The following NEXMIF variants were observed in gnomAD, a reference collection of about 807,000 sequenced individuals.
NEXMIF encodes the protein neurite extension and migration factor.
In NEXMIF, 8 loss-of-function variants were observed where a neutral mutation model predicts 62.1. The observed-to-expected ratio is 0.13, with a 90% CI of 0.08 to 0.23. The LOEUF (loss-of-function observed/expected upper bound fraction) is 0.23. Ranked by LOEUF, NEXMIF falls within the 10% of genes least tolerant of loss-of-function variation. NEXMIF has a pLI of 1.00. For missense variants in NEXMIF, 976 were observed against 1,113.3 expected, an observed-to-expected ratio of 0.88 and a Z score of 1.75; for synonymous variants, 404 against 416.6, an observed-to-expected ratio of 0.97 and a Z score of 0.37.
At chrX:74,885,236 A>G (rs1375188686) in intron 1 of NEXMIF, among the ~76,000 whole-genome samples, 2 of 111,793 alleles carry the variant, frequency 1.8e-5, no homozygotes, top group African/African-American at 6.5e-5. Flanking sequence ...AATTAAAAGA[A>G]CTAGAGAAGC....
Position 74,739,221 on chromosome X carries a change from T to C in NEXMIF, c.*184A>G, listed in dbSNP as rs1227771657. 4 of 348,273 alleles carry C rather than the reference T, an allele frequency of 1.1e-5. No individual in the cohort carries two copies. 28.7% of individuals were successfully genotyped at this position (348,273 alleles called of 1,213,427 possible). ...TGGCACAATGTTTTCAATTTTTTCC[T>C]TGTGGGTAAATAGTGCATAAACTAC... is the stretch of plus-strand genomic sequence containing the variant. On this transcript the variant is annotated 3_prime_UTR_variant, in exon 4 of 4. Transcript: ENST00000055682.
At chrX:74,838,808 C>T (rs2080465148) in intron 1 of NEXMIF, among the ~76,000 whole-genome samples, 1 of 111,744 alleles carries the variant, frequency 8.9e-6, no homozygotes, top group Admixed American at 9.5e-5. Flanking sequence ...TATTATCATC[C>T]TTGTACATCA....
In NEXMIF at chrX:74,737,821, C is replaced by T. The variant is rs2147437534; in HGVS notation, c.*1584G>A. On this transcript the variant is annotated 3_prime_UTR_variant, in exon 4 of 4. Coordinates refer to ENST00000055682, the MANE Select transcript of NEXMIF (RefSeq NM_001008537.3). ...TCCCCTTTTTCCCTTCCCACTTATT[C>T]TCCACCCTCCCACCCCAGCCTATAT... is the stretch of plus-strand genomic sequence containing the variant. 1 of 110,667 alleles carries T rather than the reference C, an allele frequency of 9.0e-6. No homozygotes were observed. The highest frequency in any genetic ancestry group is 2.8e-4 in the East Asian group (1 of 3,535). The allele number at this position is 110,667 out of a possible 1,213,427, so 9.1% of individuals were successfully genotyped here.
Position 74,743,251 on chromosome X carries a change from A to G in NEXMIF, c.1306T>C (p.Ser436Pro), listed in dbSNP as rs2080113622. ...GAACTATCATCACTGAAACTCCCTG[A>G]TGTCTCCAGGGAATTAGCAAGATGG... ...QGHLANSLET[S>P]GSFSDDSSFI... is the part of the protein sequence containing the mutation. Residue 436 changes from serine to proline, a missense_variant, in exon 3 of 4, where the codon TCA (serine) becomes CCA (proline). Ser to Pro is a moderately conservative substitution (Grantham distance 74). Transcript: ENST00000055682. The G allele has an allele frequency of 8.3e-7, 1 of 1,209,324 alleles. No individual in the cohort carries two copies. The highest frequency in any genetic ancestry group is 1.8e-5 in the African/African-American group (1 of 57,065).
chrX:74,816,850 T>C (rs1347798488), intron 1 of NEXMIF, among the ~76,000 whole-genome samples: 3 of 112,178 alleles, frequency 2.7e-5, no homozygotes, highest in Non-Finnish European at 5.6e-5. Context: ...TAGTATACCA[T>C]CTGCTGTGAT....
At chrX:74,893,302 T>G (rs1338975862) in intron 1 of NEXMIF, among the ~76,000 whole-genome samples, 18 of 112,218 alleles carry the variant, frequency 1.6e-4, no homozygotes, top group Non-Finnish European at 3.4e-4. Flanking sequence ...ATGACCTTGT[T>G]TTGTTTCCTT....
intron 1 of NEXMIF, among the ~76,000 whole-genome samples, chrX:74,807,112 A>C (rs2080347232): frequency 8.9e-6 from 1 of 112,339 alleles, no homozygotes; most frequent in Admixed American, 9.4e-5. Flanking sequence ...GATTGTGTGG[A>C]ATCTAAAGAC....
In NEXMIF at chrX:74,774,718, C is replaced by T. The variant is rs1275431609; in HGVS notation, c.-47-29021G>A. Among the ~76,000 whole-genome samples the T allele has an allele frequency of 2.7e-5, 3 of 111,329 alleles. No homozygotes were observed. In the Admixed American group the frequency reaches 2.9e-4, roughly 11 times the overall value. ...TATTACATAGCCTCTTTCCTCTGAA[C>T]TCTAAGGATCACTAGGGTCCAAAGG... On this transcript the variant is annotated intron_variant, in intron 1 of 3. Transcript: ENST00000055682.
intron 1 of NEXMIF, among the ~76,000 whole-genome samples, chrX:74,827,538 G>GT (rs2080422654): frequency 8.9e-6 from 1 of 112,211 alleles, no homozygotes; most frequent in South Asian, 3.7e-4. Flanking sequence ...CATTGCCCAG[G>GT]TTCTTGCCTA....
intron 1 of NEXMIF, among the ~76,000 whole-genome samples, chrX:74,902,989 G>A (rs6647565): frequency 0.15 from 16,048 of 110,531 alleles, 1,779 homozygotes; most frequent in East Asian, 0.9. Context: ...TCCTTATTAA[G>A]GGCAGCTTTA....
chrX:74,924,672 C>G (rs903751786), intron 1 of NEXMIF, among the ~76,000 whole-genome samples: 4 of 113,817 alleles, frequency 3.5e-5, no homozygotes, highest in Non-Finnish European at 7.5e-5. Context: ...CAGTGCCTGT[C>G]AGGGCGAGCC....
At chrX:74,765,871 C>CAAAAAAAAA (rs755196904) in intron 1 of NEXMIF, among the ~76,000 whole-genome samples, 1 of 28,943 alleles carries the variant, frequency 3.5e-5, no homozygotes, top group African/African-American at 1.2e-4. Flanking sequence ...ACTGAAAATA[C>CAAAAAAAAA]AAAAAAAAAA....
intron 1 of NEXMIF, among the ~76,000 whole-genome samples, chrX:74,804,081 AAAT>A (rs1171904739): frequency 1.8e-5 from 2 of 112,369 alleles, no homozygotes; most frequent in Admixed American, 9.4e-5. Context: ...GCAAATCAAA[AAAT>A]AATAACTACA....
At chrX:74,786,043 TC>T (rs1459023790) in intron 1 of NEXMIF, among the ~76,000 whole-genome samples, 4 of 112,503 alleles carry the variant, frequency 3.6e-5, no homozygotes, top group Non-Finnish European at 7.5e-5. Flanking sequence ...CTTGCTTTTA[TC>T]CCCAACACTA....
intron 1 of NEXMIF, among the ~76,000 whole-genome samples, chrX:74,883,832 G>T (rs986992168): frequency 9.0e-6 from 1 of 111,301 alleles, no homozygotes; most frequent in Non-Finnish European, 1.9e-5. Flanking sequence ...GCAACTCCAA[G>T]ACACATAATT....
intron 1 of NEXMIF, among the ~76,000 whole-genome samples, chrX:74,885,072 G>C (rs1423646628): frequency 1.8e-5 from 2 of 110,329 alleles, no homozygotes; most frequent in African/African-American, 6.6e-5. Flanking sequence ...AATGAAGGCA[G>C]AAATAAAGAT....
intron 1 of NEXMIF, among the ~76,000 whole-genome samples, chrX:74,783,904 C>A (rs1287534961): frequency 9.0e-6 from 1 of 111,152 alleles, no homozygotes; most frequent in African/African-American, 3.3e-5. Flanking sequence ...TTGGCAAATG[C>A]TTTCAGTAGT....
chrX:74,841,446 C>G (rs999876965), intron 1 of NEXMIF, among the ~76,000 whole-genome samples: 1 of 111,728 alleles, frequency 9.0e-6, no homozygotes, highest in African/African-American at 3.3e-5. Context: ...GACTTCCTCT[C>G]TTTCTATGTG....
At chrX:74,912,968 A>C (rs1176790376) in intron 1 of NEXMIF, among the ~76,000 whole-genome samples, 1 of 112,046 alleles carries the variant, frequency 8.9e-6, no homozygotes, top group Non-Finnish European at 1.9e-5. Context: ...GAGCTAGAGC[A>C]GTGCCAGAGA....
Sources: gnomAD v4.1 joint callset for allele counts (sites outside exome capture counted in the v4.1 genomes callset) on GRCh38, gnomAD v4.1.1 for gene constraint, MANE v1.5 for transcripts, NCBI Gene and HGNC (gene_info 2026-07-23, HGNC 2026-07-21) for gene names.